The following CAMTA1 variants were observed in gnomAD, a reference collection of about 807,000 sequenced individuals.
The protein encoded by CAMTA1 is calmodulin binding transcription activator 1, also known as calmodulin-binding transcription activator 1.
In CAMTA1, 27 loss-of-function variants were observed where a neutral mutation model predicts 170.9. The ratio of observed to expected loss-of-function variants is 0.16; its 90% CI spans 0.12 to 0.22. The LOEUF is 0.22. Ranked by LOEUF, CAMTA1 falls within the 10% of genes least tolerant of loss-of-function variation. The pLI is 1.00. For synonymous variants in CAMTA1, 833 were observed against 891.5 expected, an observed-to-expected ratio of 0.93 and a Z score of 1.17; for missense variants, 1,619 against 2,217.2, an observed-to-expected ratio of 0.73 and a Z score of 5.42.
intron 6 of CAMTA1, among the ~76,000 whole-genome samples, chr1:7,544,200 G>A (rs1214982617): frequency 2.0e-5 from 3 of 152,160 alleles, no homozygotes; most frequent in Non-Finnish European, 4.4e-5. Context: ...CTTCTTACAT[G>A]GCGGTGGCAA....
chr1:6,902,823 A>C (rs1189406840), intron 3 of CAMTA1, among the ~76,000 whole-genome samples: 1 of 152,202 alleles, frequency 6.6e-6, no homozygotes, highest in Non-Finnish European at 1.5e-5. Flanking sequence ...AATGTTGGTG[A>C]GATTGTGGAA....
At chr1:7,326,476 T>C (rs763373245) in intron 5 of CAMTA1, among the ~76,000 whole-genome samples, 1 of 152,186 alleles carries the variant, frequency 6.6e-6, no homozygotes, top group Non-Finnish European at 1.5e-5. Flanking sequence ...GTAGATATAA[T>C]CAAGTTAAAG....
At chr1:7,640,117 G>A (rs1222898569) in intron 6 of CAMTA1, among the ~76,000 whole-genome samples, 1 of 152,128 alleles carries the variant, frequency 6.6e-6, no homozygotes, top group Admixed American at 6.5e-5. Context: ...TGCCCCCTAG[G>A]GGACACTGGG....
In CAMTA1 at chr1:7,751,091, T is replaced by C. The variant is rs969657013; in HGVS notation, c.4690-108T>C. 1.6e-5 allele frequency: 14 copies of C among 886,080 alleles called. No individual in the cohort carries two copies. In the East Asian group the frequency reaches 3.2e-4, roughly 20 times the overall value. 54.9% of individuals were successfully genotyped at this position (886,080 alleles called of 1,614,324 possible). A position where few individuals can be genotyped will look rare whatever the true frequency, so the allele number is the denominator to read the frequency against. The stretch of plus-strand genomic sequence containing the variant: ...AAACCCCGGACAGAGAATGTGATAA[T>C]AGAGGGGAAAAGCATTTTCTCTTCT... On this transcript the variant is annotated intron_variant, in intron 19 of 22. Coordinates refer to ENST00000303635, the MANE Select transcript of CAMTA1 (RefSeq NM_015215.4).
chr1:7,458,349 G>A (rs111353855), intron 5 of CAMTA1, among the ~76,000 whole-genome samples: 4 of 152,290 alleles, frequency 2.6e-5, no homozygotes, highest in South Asian at 2.1e-4. Flanking sequence ...CCTCTGAGCT[G>A]CAGTTCCCAC....
rs1048211110 is a variant in CAMTA1, at chr1:7,424,451, AG to A, written c.439-43372del. ...CTGTTTTGGCCACGCTGGGAGGATG[AG>A]GGGGGGTGGGGGTGGGGGACAGCTA... On this transcript the variant is annotated intron_variant, in intron 5 of 22. Coordinates refer to ENST00000303635, the MANE Select transcript of CAMTA1 (RefSeq NM_015215.4). 1.7e-3 allele frequency among the ~76,000 whole-genome samples: 9 copies of A among 5,428 alleles called. No individual in the cohort carries two copies. In the South Asian group the frequency reaches 0.026, roughly 16 times the overall value. The allele number at this position is 5,428 out of a possible 152,430, so 3.6% of individuals were successfully genotyped here. A position where few individuals can be genotyped will look rare whatever the true frequency, so the allele number is the denominator to read the frequency against.
At chr1:7,349,376 C>T (rs1197852883) in intron 5 of CAMTA1, among the ~76,000 whole-genome samples, 1 of 152,198 alleles carries the variant, frequency 6.6e-6, no homozygotes, top group Non-Finnish European at 1.5e-5. Context: ...TTCTGGGGGC[C>T]TAAAGGGGAA....
chr1:7,580,265 G>C lies in CAMTA1; in HGVS notation c.511-60135G>C, dbSNP rs991886146. On this transcript the variant is annotated intron_variant, in intron 6 of 22. Transcript: ENST00000303635. The surrounding 1 kb of genome is among the most constrained non-coding windows in gnomAD (Gnocchi z 4.3). ...TGGGGCTGTGGAGGCTGAGGCTCCT[G>C]GGGGGTTGTCCACATCTGGACCGTG... 6.6e-6 allele frequency among the ~76,000 whole-genome samples: 1 copy of C among 152,136 alleles called. No individual in the cohort carries two copies.
At chr1:7,721,459 T>A (rs956462256) in intron 11 of CAMTA1, among the ~76,000 whole-genome samples, 17 of 152,286 alleles carry the variant, frequency 1.1e-4, no homozygotes, top group Non-Finnish European at 2.1e-4. Context: ...ATTATTATTA[T>A]TAATAATATT....
intron 6 of CAMTA1, among the ~76,000 whole-genome samples, chr1:7,602,168 T>C (rs2095452371): frequency 8.3e-6 from 1 of 120,952 alleles, no homozygotes; most frequent in Non-Finnish European, 1.7e-5. Context: ...CCCTCCTCCC[T>C]TCCCTTCCCC....
intron 6 of CAMTA1, among the ~76,000 whole-genome samples, chr1:7,579,552 C>CTTTCTTTCTTTT (rs1436192966): frequency 1.3e-5 from 1 of 79,194 alleles, no homozygotes; most frequent in African/African-American, 5.9e-5. Flanking sequence ...CTTTTCTTTT[C>CTTTCTTTCTTTT]TTTTTTTTTT....
rs147539405 is a variant in CAMTA1, at chr1:7,542,504, C to T, written c.510+74603C>T. On this transcript the variant is annotated intron_variant, in intron 6 of 22. Transcript: ENST00000303635. ...AGGCTGCAGTGCAGTGGCGTGATCT[C>T]GGCTCACTGCAACCTCTGCCTCCTG... 1.2e-4 allele frequency among the ~76,000 whole-genome samples: 19 copies of T among 152,120 alleles called. No individual in the cohort carries two copies. In the East Asian group the frequency reaches 3.7e-3, roughly 29 times the overall value.
At chr1:7,696,326 G>A (rs991234691) in intron 11 of CAMTA1, among the ~76,000 whole-genome samples, 8 of 152,076 alleles carry the variant, frequency 5.3e-5, no homozygotes, top group Non-Finnish European at 1.0e-4. Flanking sequence ...CCTCCGAGTA[G>A]CTGGGACTAC....
At position 7,588,386 on chromosome 1, in the gene CAMTA1, G is replaced by A. The variant is rs965837561; in HGVS notation, c.511-52014G>A. 1.3e-5 allele frequency among the ~76,000 whole-genome samples: 2 copies of A among 152,172 alleles called. No homozygotes were observed. Among genetic ancestry groups the A allele is most frequent in the Non-Finnish European group, 2.9e-5 (2 of 68,028 alleles). On this transcript the variant is annotated intron_variant, in intron 6 of 22. Coordinates refer to ENST00000303635, the MANE Select transcript of CAMTA1 (RefSeq NM_015215.4). The surrounding 1 kb of genome is among the most constrained non-coding windows in gnomAD (Gnocchi z 5.8). ...CACAGTCGGGATGGTCCGGGCGGGG[G>A]ATGGCCCCAGGGGCTCAGGAGGCCC...
At chr1:7,704,563 CCCGCGCCGAGCGGCT>C (rs1201199686) in intron 11 of CAMTA1, among the ~76,000 whole-genome samples, 4 of 148,708 alleles carry the variant, frequency 2.7e-5, no homozygotes, top group East Asian at 3.9e-4. Context: ...CGGCGCAGTC[CCCGCGCCGAGCGGCT>C]CCGCGCCCCG....
Position 7,580,963 on chromosome 1 carries a change from A to C in CAMTA1, c.511-59437A>C, listed in dbSNP as rs1410722459. On this transcript the variant is annotated intron_variant, in intron 6 of 22. Coordinates refer to ENST00000303635, the MANE Select transcript of CAMTA1 (RefSeq NM_015215.4). The surrounding 1 kb of genome is among the most constrained non-coding windows in gnomAD (Gnocchi z 4.3). ...GGGATAATAATAGAAAATACCCTAA[A>C]AGGTTGTTGAGAAAATGGAACGACT... Among the ~76,000 whole-genome samples the C allele has an allele frequency of 6.6e-6, 1 of 152,116 alleles. No homozygotes were observed. The highest frequency in any genetic ancestry group is 2.4e-5 in the African/African-American group (1 of 41,436).
rs1044562391 is a variant in CAMTA1 at position 6,998,715 on chromosome 1, C to G, written c.235-92589C>G. 2.6e-5 allele frequency among the ~76,000 whole-genome samples: 4 copies of G among 152,304 alleles called. No homozygotes were observed. In the South Asian group the frequency reaches 8.3e-4, roughly 32 times the overall value. On this transcript the variant is annotated intron_variant, in intron 3 of 22. Coordinates refer to ENST00000303635, the MANE Select transcript of CAMTA1 (RefSeq NM_015215.4). ...ACATATCCCTGGCATCTTGCTGTGG[C>G]GTCTGACATGCGGTGGATGCTCAAT...
chr1:7,455,622 G>A lies in CAMTA1; in HGVS notation c.439-12208G>A, dbSNP rs557823652. Among the ~76,000 whole-genome samples, 29 of 152,324 alleles carry A rather than the reference G, an allele frequency of 1.9e-4. No homozygotes were observed. In the East Asian group the frequency reaches 4.2e-3, roughly 22 times the overall value. ...CCAGACTCCCTGGCCACATGCAGCC[G>A]CACATGTTGGAGTGTGCCGTGGATA... On this transcript the variant is annotated intron_variant, in intron 5 of 22. Transcript: ENST00000303635. The surrounding 1 kb of genome is among the most constrained non-coding windows in gnomAD (Gnocchi z 5.0).
chr1:7,383,185 GCC>G (rs1410202136), intron 5 of CAMTA1, among the ~76,000 whole-genome samples: 10 of 152,162 alleles, frequency 6.6e-5, no homozygotes, highest in African/African-American at 2.2e-4. Context: ...GGCTTCCTAC[GCC>G]ATCAACACAC....
Sources: gnomAD v4.1 joint callset for allele counts (sites outside exome capture counted in the v4.1 genomes callset) on GRCh38, gnomAD v4.1.1 for gene constraint, Gnocchi (gnomAD v3.1) non-coding constraint, MANE v1.5 for transcripts, NCBI Gene and HGNC (gene_info 2026-07-23, HGNC 2026-07-21) for gene names.